SEZ6L2: variants seen among roughly 807,000 people sequenced by gnomAD.
The protein encoded by SEZ6L2 is seizure related 6 homolog like 2.
A neutral mutation model predicts 97.0 loss-of-function variants in SEZ6L2; 44 were observed. The ratio of observed to expected loss-of-function variants is 0.45; its 90% confidence interval spans 0.36 to 0.58. The LOEUF (loss-of-function observed/expected upper bound fraction) is 0.58. SEZ6L2 is among the 20% of genes least tolerant of loss of function. The pLI is 0.00. For missense variants in SEZ6L2, 1,086 were observed against 1,233.3 expected, an observed-to-expected ratio of 0.88 and a Z score of 1.79; for synonymous variants, 543 against 546.1, an observed-to-expected ratio of 0.99 and a Z score of 0.08.
chr16:29,896,074 C>T (rs1340714592), intron 3 of SEZ6L2, among the ~76,000 whole-genome samples: 2 of 152,144 alleles, frequency 1.3e-5, no homozygotes, highest in East Asian at 3.9e-4. Context: ...GTGATCCTCC[C>T]TCCTCAGCCT....
chr16:29,879,755 G>T, intron 9 of SEZ6L2, 109 bp downstream of exon 9: 1 of 977,138 alleles, frequency 1.0e-6, no homozygotes, highest in Non-Finnish European at 1.5e-6. Flanking sequence ...CAAGGCTTGG[G>T]TGGATGAAGT....
chr16:29,896,407 G>A (rs895830602), intron 3 of SEZ6L2, among the ~76,000 whole-genome samples: 11 of 152,122 alleles, frequency 7.2e-5, no homozygotes, highest in African/African-American at 2.7e-4. Flanking sequence ...AGCCTTCTGA[G>A]TAGCTGGGAT....
In SEZ6L2 at chr16:29,895,837, CGGA is replaced by C. The variant is rs754035338; in HGVS notation, c.532_534del (p.Ser178del). On this transcript the variant is annotated inframe_deletion, in exon 4 of 18. Coordinates refer to ENST00000617533, the MANE Select transcript of SEZ6L2 (RefSeq NM_001243332.2). ...GGAGACTCCACATACCCTTCGCCCT[CGGA>C]GATGTTGTTATTACACAGAACTGAG... 1.9e-6 allele frequency: 3 copies of C among 1,613,194 alleles called. No homozygotes were observed. The highest frequency in any genetic ancestry group is 2.5e-6 in the Non-Finnish European group (3 of 1,179,676).
chr16:29,877,436 G>A lies in SEZ6L2; in HGVS notation c.1744C>T (p.Leu582=), dbSNP rs113138028. 10 of 1,607,082 alleles carry A rather than the reference G, an allele frequency of 6.2e-6. No individual in the cohort carries two copies. Among genetic ancestry groups the A allele is most frequent in the African/African-American group, 1.3e-5 (1 of 74,710 alleles). Residue 582 remains leucine (L), a synonymous_variant, in exon 11 of 18, where the codon CTG becomes TTG. Coordinates refer to ENST00000617533, the MANE Select transcript of SEZ6L2 (RefSeq NM_001243332.2). ...LNVREGDMLT[L]FDGDGPSARV... is the part of the protein sequence containing the mutation. ...GCGCTGGGACCGTCCCCGTCGAACA[G>A]CGTCAGCATGTCCCCTTCCCGCACA... is the stretch of plus-strand genomic sequence containing the variant.
At chr16:29,896,571 T>C (rs1289096768) in intron 3 of SEZ6L2, among the ~76,000 whole-genome samples, 2 of 152,088 alleles carry the variant, frequency 1.3e-5, no homozygotes, top group African/African-American at 2.4e-5. Context: ...AGCCACCATG[T>C]CCATCACTAT....
intron 6 of SEZ6L2, 96 bp downstream of exon 6, chr16:29,888,444 T>A: frequency 7.4e-7 from 1 of 1,358,130 alleles, no homozygotes; most frequent in Non-Finnish European, 1.0e-6. Context: ...CAGAATGGGT[T>A]TTCCCCAAAG....
rs185041555 is a variant in SEZ6L2 at position 29,879,353 on chromosome 16, G to T, written c.1573+511C>A. Among the ~76,000 whole-genome samples, 13 of 152,072 alleles carry T rather than the reference G, an allele frequency of 8.5e-5. 1 individual carries two copies. Among genetic ancestry groups the T allele is most frequent in the African/African-American group, 3.1e-4 (13 of 41,474 alleles). On this transcript the variant is annotated intron_variant, in intron 9 of 17. Coordinates refer to ENST00000617533, the MANE Select transcript of SEZ6L2 (RefSeq NM_001243332.2). Reference sequence around the variant, plus strand: ...CGATTCTCCTGCCTCAGCCTCCTGAGTAGCTGGGATTACAGGCATGCATCA... The same window carrying T: ...CGATTCTCCTGCCTCAGCCTCCTGATTAGCTGGGATTACAGGCATGCATCA...
Position 29,873,163 on chromosome 16 carries a change from A to G in SEZ6L2, c.2488+77T>C, listed in dbSNP as rs1182351146. On this transcript the variant is annotated intron_variant, in intron 14 of 17. Transcript: ENST00000617533. The surrounding 1 kb of genome is among the most constrained non-coding windows in gnomAD (Gnocchi z 4.3). ...TCTGTGGGGTCGCCCATTGGTCTCA[A>G]ATGTGCTACCTGACTCTCCCAGCCC... The G allele has an allele frequency of 3.9e-6, 6 of 1,538,134 alleles. No individual in the cohort carries two copies. The African/African-American group carries it at 8.2e-5, about 21-fold the overall frequency.
At chr16:29,875,096 A>G (rs898438160) in intron 12 of SEZ6L2, among the ~76,000 whole-genome samples, 3 of 152,038 alleles carry the variant, frequency 2.0e-5, no homozygotes, top group African/African-American at 7.3e-5. Context: ...GCTGTTCTCA[A>G]TCTCCTGGGC....
intron 5 of SEZ6L2, among the ~76,000 whole-genome samples, chr16:29,894,363 T>C (rs2068334548): frequency 6.6e-6 from 1 of 152,162 alleles, no homozygotes; most frequent in African/African-American, 2.4e-5. Flanking sequence ...TCACGTCTTC[T>C]CTCTCTGGGT....
chr16:29,875,252 G>A (rs1243774472), intron 12 of SEZ6L2, among the ~76,000 whole-genome samples: 1 of 152,140 alleles, frequency 6.6e-6, no homozygotes, highest in Admixed American at 6.6e-5. Flanking sequence ...GGCTCAGGGC[G>A]GTCAAAGGAC....
In SEZ6L2 at chr16:29,873,392, T is replaced by C; in HGVS notation, c.2336A>G (p.Asn779Ser). The C allele has an allele frequency of 1.9e-6, 3 of 1,614,216 alleles. 1 individual carries two copies. In the South Asian group the frequency reaches 3.3e-5, roughly 18 times the overall value. ...EPCLNPGVPE[N>S]GYQTLYKHHY... is the part of the protein sequence containing the mutation. ...GTGCTTGTACAGCGTCTGGTAGCCA[T>C]TCTCGGGAACCCCCGGGTTCAGGCA... Residue 779 changes from asparagine to serine, a missense_variant, in exon 14 of 18, where the codon AAT (asparagine) becomes AGT (serine). This residue lies in a region of SEZ6L2 where 310 missense variants were observed against 438.6 expected (regional missense o/e 0.71). Coordinates refer to ENST00000617533, the MANE Select transcript of SEZ6L2 (RefSeq NM_001243332.2). The surrounding 1 kb of genome is among the most constrained non-coding windows in gnomAD (Gnocchi z 4.3).
rs1156493578 is a variant in SEZ6L2, at chr16:29,897,942, C to A, written c.122G>T (p.Ser41Ile). ...KEEEILPEPGSETPTVASEAL... is the reference protein window; with the variant it reads ...KEEEILPEPGIETPTVASEAL... The stretch of plus-strand genomic sequence containing the variant: ...CTCAGAGGCCACCGTGGGGGTCTCA[C>A]TTCCAGGCTCTGGCAATATCTCCTC... Residue 41 changes from serine to isoleucine, a missense_variant, in exon 2 of 18, where the codon AGT (serine) becomes ATT (isoleucine). Around this residue, in one of 2 missense-constraint regions of SEZ6L2, gnomAD observed 776 missense variants for 794.7 expected, o/e 0.98. Coordinates refer to ENST00000617533, the MANE Select transcript of SEZ6L2 (RefSeq NM_001243332.2). 2 of 1,613,702 alleles carry A rather than the reference C, an allele frequency of 1.2e-6. No individual in the cohort carries two copies. Among genetic ancestry groups the A allele is most frequent in the African/African-American group, 2.7e-5 (2 of 74,944 alleles).
At chr16:29,880,510 G>A (rs564340092) in intron 8 of SEZ6L2, among the ~76,000 whole-genome samples, 5 of 152,098 alleles carry the variant, frequency 3.3e-5, no homozygotes, top group African/African-American at 1.2e-4. Flanking sequence ...TAGTAGAGAC[G>A]GGGTTTCTCC....
chr16:29,892,490 CA>C (rs1452353465), intron 5 of SEZ6L2, among the ~76,000 whole-genome samples: 1 of 152,210 alleles, frequency 6.6e-6, no homozygotes, highest in African/African-American at 2.4e-5. Flanking sequence ...CCCCAATAAC[CA>C]GGTCCCTACT....
At chr16:29,894,708 A>G (rs1026809665) in intron 5 of SEZ6L2, among the ~76,000 whole-genome samples, 1 of 152,158 alleles carries the variant, frequency 6.6e-6, no homozygotes, top group South Asian at 2.1e-4. Context: ...GTATGAAGCA[A>G]GCACTTGATA....
At chr16:29,887,550 G>A in intron 7 of SEZ6L2, 99 bp downstream of exon 7, 1 of 1,142,438 alleles carries the variant, frequency 8.8e-7, no homozygotes, top group African/African-American at 1.6e-5. Flanking sequence ...CTGACCTTGT[G>A]ATCCGCCTGC....
At chr16:29,898,864 G>A in intron 1 of SEZ6L2, 77 bp downstream of exon 1, 2 of 1,132,262 alleles carry the variant, frequency 1.8e-6, no homozygotes, top group Middle Eastern at 2.0e-4. Flanking sequence ...GAAGACCCAG[G>A]ATATTAAGAG....
At chr16:29,896,679 G>A (rs2068397738) in intron 3 of SEZ6L2, 143 bp downstream of exon 3, 1 of 693,038 alleles carries the variant, frequency 1.4e-6, no homozygotes, top group Non-Finnish European at 2.5e-6. Flanking sequence ...CATAGTAAGG[G>A]TACAGAAATG....
Sources: gnomAD v4.1 joint callset for allele counts (sites outside exome capture counted in the v4.1 genomes callset) on GRCh38, gnomAD v4.1.1 for gene constraint, gnomAD v4.1.1 regional missense constraint, Gnocchi (gnomAD v3.1) non-coding constraint, MANE v1.5 for transcripts, NCBI Gene and HGNC (gene_info 2026-07-23, HGNC 2026-07-21) for gene names.